Variants in TM4SF4 observed in about 807,000 individuals in gnomAD.
The protein encoded by TM4SF4 is transmembrane 4 L six family member 4.
In TM4SF4, 24 loss-of-function variants were observed where a neutral mutation model predicts 24.1. The observed-to-expected ratio is 1.00, with a 90% CI of 0.72 to 1.40. TM4SF4 has a LOEUF of 1.40. TM4SF4 is among the 40% of genes most tolerant of loss of function. The pLI, the probability that TM4SF4 is intolerant of heterozygous loss-of-function variation, is 0.00. For missense variants in TM4SF4, 254 were observed against 254.2 expected (o/e 1.00, Z 0.01); for synonymous variants, 113 against 97.0 (o/e 1.17, Z -0.97).
Position 149,499,896 on chromosome 3 carries a change from A to G in TM4SF4, c.591+985A>G, listed in dbSNP as rs1031395015. Among the ~76,000 whole-genome samples the G allele has an allele frequency of 3.5e-4, 53 of 152,246 alleles. 1 individual carries two copies. Among genetic ancestry groups the G allele is most frequent in the African/African-American group, 1.3e-3 (53 of 41,556 alleles). ...TCTCAATAAATAAATAAATAAATAC[A>G]TTTATTTTAAATAAGCATTACATGT... On this transcript the variant is annotated intron_variant, in intron 4 of 4. Transcript: ENST00000305354.
intron 3 of TM4SF4, among the ~76,000 whole-genome samples, chr3:149,498,046 C>T (rs371043155): frequency 2.6e-5 from 4 of 152,260 alleles, no homozygotes; most frequent in African/African-American, 9.6e-5. Flanking sequence ...ATTAAGGCAA[C>T]AGACTATTTG....
At position 149,475,924 on chromosome 3, in the gene TM4SF4, TG is replaced by T; in HGVS notation, c.264+18del. ...GGAAGCGATTTGCGGTGAGTTACCA[TG>T]GGGGGCAGCTACTAGAATTACTCCA... On this transcript the variant is annotated intron_variant, in intron 2 of 4. Transcript: ENST00000305354. The T allele has an allele frequency of 1.9e-6, 3 of 1,604,906 alleles. No individual in the cohort carries two copies. Among genetic ancestry groups the T allele is most frequent in the South Asian group, 2.2e-5 (2 of 89,464 alleles).
intron 4 of TM4SF4, among the ~76,000 whole-genome samples, chr3:149,501,304 A>G (rs974655593): frequency 9.2e-5 from 14 of 152,150 alleles, no homozygotes; most frequent in Admixed American, 7.9e-4. Context: ...TGTACACACA[A>G]GAATTGTCCA....
chr3:149,481,611 C>G (rs62272020), intron 2 of TM4SF4, among the ~76,000 whole-genome samples: 3,562 of 152,226 alleles, frequency 0.023, 64 homozygotes, highest in African/African-American at 0.038. Context: ...AATGTCCATG[C>G]CCTAAGGACA....
chr3:149,484,370 ATTG>A (rs148243733), intron 2 of TM4SF4, among the ~76,000 whole-genome samples: 3 of 151,670 alleles, frequency 2.0e-5, no homozygotes, highest in African/African-American at 2.4e-5. Context: ...TTAGAATGCA[ATTG>A]TTTATTTATT....
chr3:149,492,656 T>C (rs9857970), intron 3 of TM4SF4, among the ~76,000 whole-genome samples: 73,102 of 151,906 alleles, frequency 0.48, 19,618 homozygotes, highest in South Asian at 0.62. Context: ...TGCAACTCTT[T>C]ACCTCCTTAG....
intron 2 of TM4SF4, among the ~76,000 whole-genome samples, chr3:149,483,934 C>T (rs1734075452): frequency 2.0e-5 from 3 of 152,014 alleles, no homozygotes; most frequent in Non-Finnish European, 4.4e-5. Context: ...GTGCACACTA[C>T]CATGCCTGGC....
At chr3:149,500,630 T>C (rs1211943614) in intron 4 of TM4SF4, among the ~76,000 whole-genome samples, 1 of 152,192 alleles carries the variant, frequency 6.6e-6, no homozygotes, top group Non-Finnish European at 1.5e-5. Context: ...AGTGAATGAA[T>C]GTTTGCTAAA....
At position 149,498,851 on chromosome 3, in the gene TM4SF4, G is replaced by A. The variant is rs761693995; in HGVS notation, c.531G>A (p.Gln177=). 1 of 1,613,898 alleles carries A rather than the reference G, an allele frequency of 6.2e-7. No individual in the cohort carries two copies. The highest frequency in any genetic ancestry group is 1.7e-5 in the Admixed American group (1 of 60,008). The part of the protein sequence containing the change: ...GGIQMVLCAI[Q]VVNGLLGTLC... ...TCCAGATGGTTCTCTGCGCCATCCA[G>A]GTGGTCAATGGCCTCCTGGGGACCC... The change falls in exon 4 of 5, where the codon CAG becomes CAA. Residue 177 remains glutamine (Q), a synonymous_variant. Coordinates refer to ENST00000305354, the MANE Select transcript of TM4SF4 (RefSeq NM_004617.4).
intron 3 of TM4SF4, among the ~76,000 whole-genome samples, chr3:149,496,900 G>T (rs937909082): frequency 6.6e-6 from 1 of 151,634 alleles, no homozygotes; most frequent in South Asian, 2.1e-4. Flanking sequence ...CTGGCTGGGC[G>T]TGGTGACTCA....
chr3:149,482,855 T>C (rs74642832), intron 2 of TM4SF4, among the ~76,000 whole-genome samples: 8,252 of 152,334 alleles, frequency 0.054, 294 homozygotes, highest in Admixed American at 0.078. Context: ...TTCTTTCTTT[T>C]AACATTTTGT....
chr3:149,475,896 G>A lies in TM4SF4; in HGVS notation c.248G>A (p.Cys83Tyr). 6.2e-7 allele frequency: 1 copy of A among 1,612,758 alleles called. No homozygotes were observed. The highest frequency in any genetic ancestry group is 8.5e-7 in the Non-Finnish European group (1 of 1,179,482). ...TGTGGGTGCTGCGGCAACGAGGGCT[G>A]TGGGAAGCGATTTGCGGTGAGTTAC... The part of the protein sequence containing the change: ...DCCGCCGNEG[C>Y]GKRFAMFTST... Residue 83 changes from cysteine to tyrosine, a missense_variant, in exon 2 of 5, where the codon TGT becomes TAT. Physicochemically the swap from Cys to Tyr is radical, Grantham distance 194 (BLOSUM62 -2). Coordinates refer to ENST00000305354, the MANE Select transcript of TM4SF4 (RefSeq NM_004617.4).
chr3:149,501,792 T>C (rs1311035746), intron 4 of TM4SF4, among the ~76,000 whole-genome samples: 1 of 152,200 alleles, frequency 6.6e-6, no homozygotes, highest in African/African-American at 2.4e-5. Context: ...GAGTGTAAGA[T>C]CAACATCTAT....
intron 4 of TM4SF4, 28 bp from the exon 5 acceptor site, chr3:149,502,648 T>C (rs372649708): frequency 1.9e-6 from 3 of 1,578,832 alleles, no homozygotes; most frequent in East Asian, 2.2e-5. Context: ...CATGACATCA[T>C]AGTTAATTCA....
chr3:149,489,043 A>G (rs548790363), intron 3 of TM4SF4, among the ~76,000 whole-genome samples: 2 of 152,336 alleles, frequency 1.3e-5, no homozygotes, highest in Non-Finnish European at 2.9e-5. Flanking sequence ...AAATATCCCC[A>G]TCTTTCTCAT....
chr3:149,481,990 G>A (rs1289119834), intron 2 of TM4SF4, among the ~76,000 whole-genome samples: 1 of 152,160 alleles, frequency 6.6e-6, no homozygotes, highest in African/African-American at 2.4e-5. Flanking sequence ...TTGATCAAGT[G>A]CTTGTTAATG....
At chr3:149,498,654 T>C (rs555748287) in intron 3 of TM4SF4, 68 bp from the exon 4 acceptor site, 168 of 1,427,166 alleles carry the variant, frequency 1.2e-4, no homozygotes, top group Admixed American at 7.5e-4. Context: ...ATTGTTATGG[T>C]AACTTTCTAG....
chr3:149,502,015 TAGTACAGGGTGACA>T (rs1734437110), intron 4 of TM4SF4, among the ~76,000 whole-genome samples: 1 of 152,204 alleles, frequency 6.6e-6, no homozygotes, highest in Admixed American at 6.5e-5. Flanking sequence ...ATGGAGTGCC[TAGTACAGGGTGACA>T]AGCATGAATT....
intron 1 of TM4SF4, 176 bp from the exon 2 acceptor site, chr3:149,475,647 T>C: frequency 1.8e-6 from 1 of 543,034 alleles, no homozygotes; most frequent in Non-Finnish European, 3.3e-6. Flanking sequence ...TCAGCCCAAA[T>C]GGAATCTAAG....
Sources: allele counts gnomAD v4.1 joint callset (sites outside exome capture counted in the v4.1 genomes callset), GRCh38; gene constraint gnomAD v4.1.1; transcripts MANE v1.5; gene names NCBI Gene and HGNC (gene_info 2026-07-23, HGNC 2026-07-21).